The following TTN variants were observed in gnomAD, a reference collection of about 807,000 sequenced individuals.
TTN encodes the protein titin, also known as connectin.
TTN carries 1,525 observed loss-of-function variants against 3,223.0 expected under a neutral mutation model. The observed-to-expected ratio is 0.47, with a 90% CI of 0.45 to 0.49. The LOEUF (loss-of-function observed/expected upper bound fraction) is 0.49. Ranked by LOEUF, TTN falls within the 20% of genes least tolerant of loss-of-function variation. The pLI is 0.00. For synonymous variants in TTN, 14,094 were observed against 15,161.0 expected, an observed-to-expected ratio of 0.93 and a Z score of 5.17; for missense variants, 40,786 against 43,424.0, an observed-to-expected ratio of 0.94 and a Z score of 5.40.
At position 178,588,538 on chromosome 2, in the gene TTN, C is replaced by G; in HGVS notation, c.63187G>C (p.Glu21063Gln). 6.6e-7 allele frequency: 1 copy of G among 1,521,966 alleles called. No homozygotes were observed. The highest frequency in any genetic ancestry group is 8.8e-7 in the Non-Finnish European group (1 of 1,138,850). 94.3% of individuals were successfully genotyped at this position (1,521,966 alleles called of 1,614,324 possible). ...ATCAGAAAAAACAAGGACATCCTAC[C>G]TATGGGGTCTTTTGCCACCACCGGT... ...SRPVVAKDPI[E>Q]PPGPPTNFRV... Residue 21063 changes from glutamate (E) to glutamine (Q), a missense_variant and splice_region_variant, in exon 304 of 363, where the codon GAG becomes CAG. Glu to Gln is a conservative substitution (Grantham distance 29, BLOSUM62 2). Transcript: ENST00000589042.
chr2:178,784,118 G>C lies in TTN; in HGVS notation c.2727C>G (p.Thr909=), dbSNP rs1325237826. The change falls in exon 16 of 363, where the codon ACC becomes ACG. Residue 909 remains threonine, a synonymous_variant. Transcript: ENST00000589042. ...CTTCAAAGCGCTCTTCACGGACGGT[G>C]GTGCCAGTGATGCTCACCCCTACTT... ...KKEVGVSITG[T]TVREERFEVL... is the part of the protein sequence containing the mutation. 4.3e-6 allele frequency: 7 copies of C among 1,613,906 alleles called. No homozygotes were observed. In the African/African-American group the frequency reaches 8.0e-5, roughly 18 times the overall value.
At position 178,589,622 on chromosome 2, in the gene TTN, C is replaced by T; in HGVS notation, c.62103G>A (p.Leu20701=). The change falls in exon 304 of 363, where the codon CTG becomes CTA. Residue 20701 remains leucine (L), a synonymous_variant. Coordinates refer to ENST00000589042, the MANE Select transcript of TTN (RefSeq NM_001267550.2). ...TAAGCCTTCTCTCAACATGATATGA[C>T]AGATTTGGACTGCCACCATCATAGT... ...RPDYDGGSPN[L]SYHVERRLKG... 2 of 1,613,282 alleles carry T rather than the reference C, an allele frequency of 1.2e-6. No individual in the cohort carries two copies. Among genetic ancestry groups the T allele is most frequent in the Non-Finnish European group, 1.7e-6 (2 of 1,179,482 alleles).
chr2:178,637,264 AAAT>A (rs1163162884), intron 224 of TTN, 102 bp downstream of exon 224: 1 of 654,936 alleles, frequency 1.5e-6, no homozygotes, highest in East Asian at 3.8e-5. Context: ...CAATTAGAAA[AAAT>A]AAAAATTGTT....
rs1184132617 is a variant in TTN, at chr2:178,533,029, T to C, written c.103586A>G (p.Glu34529Gly). Residue 34529 changes from glutamate to glycine, a missense_variant, in exon 358 of 363, where the codon GAA becomes GGA. Transcript: ENST00000589042. ...VKGEFRLEIE[E>G]KKEERKLRMP... is the part of the protein sequence containing the mutation. ...CCGGAGTTTTCTCTCCTCCTTCTTT[T>C]CTTCTATCTCAAGTCTGAATTCCCC... 2 of 1,613,760 alleles carry C rather than the reference T, an allele frequency of 1.2e-6. No homozygotes were observed. Among genetic ancestry groups the C allele is most frequent in the African/African-American group, 2.7e-5 (2 of 74,840 alleles).
chr2:178,609,511 G>A lies in TTN; in HGVS notation c.51799C>T (p.Leu17267Phe), dbSNP rs758364988. 1.9e-6 allele frequency: 3 copies of A among 1,612,510 alleles called. No individual in the cohort carries two copies. The Admixed American group carries it at 5.0e-5, about 27-fold the overall frequency. ...GGTGATCCAGAAATACTTGCATCAA[G>A]TGCTATTTCATCACCTCGTTTCACT... The part of the protein sequence containing the change: ...LEVKRGDEIA[L>F]DASISGSPYP... Residue 17267 changes from leucine to phenylalanine, a missense_variant, in exon 273 of 363, where the codon CTT becomes TTT. Transcript: ENST00000589042.
chr2:178,555,054 C>G lies in TTN; in HGVS notation c.88405G>C (p.Ala29469Pro). Residue 29469 changes from alanine (A) to proline (P), a missense_variant, in exon 331 of 363, where the codon GCG becomes CCG. By Grantham distance (27) the Ala-to-Pro change is conservative. Coordinates refer to ENST00000589042, the MANE Select transcript of TTN (RefSeq NM_001267550.2). ...TCTTTATACCACTCAATAGTAGGCG[C>G]AGGTTTGCCAGAAATGCCAGCTCTG... Reference protein sequence around the residue: ...KLRAGISGKPAPTIEWYKDDK... With the variant: ...KLRAGISGKPPPTIEWYKDDK... The G allele has an allele frequency of 6.2e-7, 1 of 1,613,788 alleles. No homozygotes were observed. Among genetic ancestry groups the G allele is most frequent in the Non-Finnish European group, 8.5e-7 (1 of 1,179,830 alleles).
chr2:178,751,825 A>T (rs1561044021), intron 47 of TTN: 11 of 1,613,002 alleles, frequency 6.8e-6, no homozygotes, highest in Non-Finnish European at 8.5e-6. Flanking sequence ...CAATTAATCT[A>T]CATGTAAAAA....
In TTN at chr2:178,576,975, A is replaced by G. The variant is rs879015798; in HGVS notation, c.69360T>C (p.Tyr23120=). ...YIFRVSAVNH[Y]GKGEPVQSEP... The stretch of plus-strand genomic sequence containing the variant: ...CAGACTGTACAGGTTCTCCTTTGCC[A>G]TAGTGGTTTACAGCTGAGACCCGGA... The change falls in exon 324 of 363, where the codon TAT becomes TAC. Residue 23120 remains tyrosine, a synonymous_variant. Transcript: ENST00000589042. This position sits in a 1 kb window ranked among gnomAD's most constrained non-coding sequence, Gnocchi z 4.3. The G allele has an allele frequency of 3.7e-6, 6 of 1,613,390 alleles. No homozygotes were observed. The highest frequency in any genetic ancestry group is 2.7e-5 in the African/African-American group (2 of 74,888).
At position 178,784,260 on chromosome 2, in the gene TTN, G is replaced by C; in HGVS notation, c.2585C>G (p.Pro862Arg). The C allele has an allele frequency of 6.2e-7, 1 of 1,614,124 alleles. No homozygotes were observed. Among genetic ancestry groups the C allele is most frequent in the Non-Finnish European group, 8.5e-7 (1 of 1,180,000 alleles). Residue 862 changes from proline to arginine, a missense_variant, in exon 16 of 363, where the codon CCT becomes CGT. Transcript: ENST00000589042. ...AQKITKSVKA[P>R]TVKPSETRVR... ...TCTAGTCTCACTGGGCTTCACAGTAGGAGCCTTCACCGATTTGGTGATCTT... is the reference window on the plus strand; with the variant it reads ...TCTAGTCTCACTGGGCTTCACAGTACGAGCCTTCACCGATTTGGTGATCTT...
Position 178,563,291 on chromosome 2 carries a change from G to T in TTN, c.82841C>A (p.Ala27614Glu), listed in dbSNP as rs762964203. Residue 27614 changes from alanine (A) to glutamate (E), a missense_variant, in exon 326 of 363, where the codon GCG (alanine) becomes GAG (glutamate). By Grantham distance (107) the Ala-to-Glu change is moderately radical. Transcript: ENST00000589042. The surrounding 1 kb of genome is among the most constrained non-coding windows in gnomAD (Gnocchi z 4.5). ...TGGAGTGCAGGTTGTCCATTCATCCGCAGCAGCTTCTTTGACCTCTACAAC... is the reference window on the plus strand; with the variant it reads ...TGGAGTGCAGGTTGTCCATTCATCCTCAGCAGCTTCTTTGACCTCTACAAC... ...GYVVEVKEAA[A>E]DEWTTCTPPT... The T allele has an allele frequency of 6.2e-7, 1 of 1,613,580 alleles. No homozygotes were observed. The highest frequency in any genetic ancestry group is 8.5e-7 in the Non-Finnish European group (1 of 1,179,682).
In TTN at chr2:178,551,384, T is replaced by C. The variant is rs1249568967; in HGVS notation, c.91271-124A>G. 3 of 790,194 alleles carry C rather than the reference T, an allele frequency of 3.8e-6. No homozygotes were observed. The East Asian group carries it at 9.9e-5, about 26-fold the overall frequency. The allele number at this position is 790,194 out of a possible 1,614,324, so 48.9% of individuals were successfully genotyped here. A position where few individuals can be genotyped will look rare whatever the true frequency, so the allele number is the denominator to read the frequency against. ...TAAGTAAAATTTTTATAATAAGTAA[T>C]TTATTCAATCTCCCAAACTCATATT... On this transcript the variant is annotated intron_variant, in intron 335 of 362. Transcript: ENST00000589042.
chr2:178,570,644 G>A lies in TTN; in HGVS notation c.75488C>T (p.Thr25163Ile), dbSNP rs765157072. 2.5e-6 allele frequency: 4 copies of A among 1,613,310 alleles called. No homozygotes were observed. The South Asian group carries it at 3.3e-5, about 13-fold the overall frequency. The change falls in exon 326 of 363, where the codon ACC becomes ATC. Residue 25163 changes from threonine to isoleucine, a missense_variant. Thr to Ile is a moderately conservative substitution (Grantham distance 89). Transcript: ENST00000589042. ...TACACTGAGACTGGTGGCAAAGTCG[G>A]TGCTCTTTATTTCTAATCGAGCTGT... ...SNTARLEIKS[T>I]DFATSLSVKD...
In TTN at chr2:178,544,387, T is replaced by G; in HGVS notation, c.95842A>C (p.Met31948Leu). The G allele has an allele frequency of 6.2e-7, 1 of 1,613,782 alleles. No homozygotes were observed. The highest frequency in any genetic ancestry group is 8.5e-7 in the Non-Finnish European group (1 of 1,179,738). ...CACTGATCAGTGTCCTTCTCTTGCA[T>G]TTCCAGAACATATCCTACAATGTCA... ...GTDIVGYVLEMQEKDTDQWYR... is the reference protein window; with the variant it reads ...GTDIVGYVLELQEKDTDQWYR... Residue 31948 changes from methionine to leucine, a missense_variant, in exon 345 of 363, where the codon ATG (methionine) becomes CTG (leucine). Coordinates refer to ENST00000589042, the MANE Select transcript of TTN (RefSeq NM_001267550.2).
At position 178,795,066 on chromosome 2, in the gene TTN, A is replaced by G. The variant is rs2154356195; in HGVS notation, c.1101T>C (p.Ser367=). ...ATCTCTCTTCTGTCCTGATCTGAGTAGAGGTTGTCAGCGTTGTCTCTCTCA... is the reference window on the plus strand; with the variant it reads ...ATCTCTCTTCTGTCCTGATCTGAGTGGAGGTTGTCAGCGTTGTCTCTCTCA... ...AEMRETTLTT[S]TQIRTEERWE... Residue 367 remains serine (S), a synonymous_variant, in exon 7 of 363, where the codon TCT becomes TCC. Coordinates refer to ENST00000589042, the MANE Select transcript of TTN (RefSeq NM_001267550.2). 1.2e-6 allele frequency: 2 copies of G among 1,613,916 alleles called. No individual in the cohort carries two copies. Among genetic ancestry groups the G allele is most frequent in the Non-Finnish European group, 1.7e-6 (2 of 1,180,000 alleles).
At position 178,694,833 on chromosome 2, in the gene TTN, G is replaced by T; in HGVS notation, c.31344C>A (p.Thr10448=). 6.4e-7 allele frequency: 1 copy of T among 1,556,474 alleles called. No individual in the cohort carries two copies. The highest frequency in any genetic ancestry group is 1.2e-5 in the South Asian group (1 of 84,406). Reference sequence around the variant, plus strand: ...TAGGAATGTTTTAAATAATACCTTTGGTGACTTGAACTTTTTCTTCCTCCA... The same window carrying T: ...TAGGAATGTTTTAAATAATACCTTTTGTGACTTGAACTTTTTCTTCCTCCA... The part of the protein sequence containing the change: ...RRMEEEKVQV[T]KVPEVSKKIV... Residue 10448 remains threonine (T), a synonymous_variant, in exon 116 of 363, where the codon ACC becomes ACA. Transcript: ENST00000589042.
chr2:178,806,565 T>C (rs568783820), intron 1 of TTN, among the ~76,000 whole-genome samples: 6 of 152,366 alleles, frequency 3.9e-5, no homozygotes, highest in Admixed American at 1.3e-4. Context: ...TCTCCAACTA[T>C]GTTGCAATTA....
At position 178,756,632 on chromosome 2, in the gene TTN, C is replaced by T. The variant is rs794729588; in HGVS notation, c.10844G>A (p.Ser3615Asn). Residue 3615 changes from serine to asparagine, a missense_variant, in exon 46 of 363, where the codon AGT (serine) becomes AAT (asparagine). By Grantham distance (46) the Ser-to-Asn change is conservative. Transcript: ENST00000589042. Reference protein sequence around the residue: ...SYEYEVQVFESVSQSSIHTAA... With the variant: ...SYEYEVQVFENVSQSSIHTAA... ...TGTGTGGATGGAACTTTGAGATACACTTTCAAAAACCTGCACTTCATATTC... is the reference window on the plus strand; with the variant it reads ...TGTGTGGATGGAACTTTGAGATACATTTTCAAAAACCTGCACTTCATATTC... 1.2e-5 allele frequency: 20 copies of T among 1,613,636 alleles called. No homozygotes were observed. Among genetic ancestry groups the T allele is most frequent in the Non-Finnish European group, 1.6e-5 (19 of 1,179,772 alleles).
In TTN at chr2:178,594,049, C is replaced by T; in HGVS notation, c.58344G>A (p.Lys19448=). 1 of 1,613,540 alleles carries T rather than the reference C, an allele frequency of 6.2e-7. No homozygotes were observed. The highest frequency in any genetic ancestry group is 8.5e-7 in the Non-Finnish European group (1 of 1,179,642). ...ATTTGCCGGAATCTGAACGTTTGGC[C>T]TTGATCTTCTCTAAAGCAAGTGTTG... is the stretch of plus-strand genomic sequence containing the variant. ...TPATLALEKI[K]AKRSDSGKYC... Residue 19448 remains lysine (K), a synonymous_variant, in exon 297 of 363, where the codon AAG becomes AAA. Coordinates refer to ENST00000589042, the MANE Select transcript of TTN (RefSeq NM_001267550.2).
chr2:178,544,619 C>A (rs879808318), intron 344 of TTN, 113 bp from the exon 345 acceptor site: 15 of 844,042 alleles, frequency 1.8e-5, no homozygotes, highest in Non-Finnish European at 2.7e-5. Context: ...CCACACTCAC[C>A]AAGATAATCT....
Sources: allele counts gnomAD v4.1 joint callset (sites outside exome capture counted in the v4.1 genomes callset), GRCh38; gene constraint gnomAD v4.1.1; non-coding constraint Gnocchi (gnomAD v3.1); transcripts MANE v1.5; gene names NCBI Gene and HGNC (gene_info 2026-07-23, HGNC 2026-07-21).